The following TMEM163 variants were observed in gnomAD, a reference collection of about 807,000 sequenced individuals.
TMEM163 encodes the protein transmembrane protein 163.
Under a neutral mutation model 29.3 loss-of-function variants are expected in TMEM163, and 17 were observed. The observed-to-expected ratio is 0.58, with a 90% CI of 0.40 to 0.87. The LOEUF is 0.87. TMEM163 is among the 40% of genes least tolerant of loss of function. TMEM163 has a pLI of 0.00. For synonymous variants in TMEM163, 157 were observed against 160.6 expected (o/e 0.98, Z 0.17); for missense variants, 303 against 381.5 (o/e 0.79, Z 1.71).
chr2:134,702,153 G>A (rs188196662), intron 2 of TMEM163, among the ~76,000 whole-genome samples: 96 of 152,148 alleles, frequency 6.3e-4, no homozygotes, highest in Admixed American at 1.9e-3. Flanking sequence ...CGACATGCTC[G>A]GAGCTCAGAA....
intron 2 of TMEM163, among the ~76,000 whole-genome samples, chr2:134,681,395 T>C (rs1684230919): frequency 6.6e-6 from 1 of 152,118 alleles, no homozygotes; most frequent in East Asian, 1.9e-4. Context: ...CAAACCGCAT[T>C]CCAGTGTCCC....
chr2:134,626,094 C>CTT (rs146008537), intron 2 of TMEM163, among the ~76,000 whole-genome samples: 703 of 66,276 alleles, frequency 0.011, 53 homozygotes, highest in Non-Finnish European at 0.016. Context: ...ACTTTTCCAG[C>CTT]TTTTTTTTTT....
chr2:134,456,191 T>C lies in TMEM163; in HGVS notation c.*525A>G, dbSNP rs610624. ...CCTTTTGAGCAAATCTGTTTAGACT[T>C]AGGATTAGTAAAACAGTATGAAATA... On this transcript the variant is annotated 3_prime_UTR_variant, in exon 8 of 8. Transcript: ENST00000281924. 61,886 of 153,694 alleles carry C rather than the reference T, an allele frequency of 0.4. 13,325 individuals are homozygous for C. The highest frequency in any genetic ancestry group is 0.64 in the East Asian group (3,326 of 5,172). The allele number at this position is 153,694 out of a possible 1,614,324, so 9.5% of individuals were successfully genotyped here.
chr2:134,462,416 C>T (rs142888366), intron 6 of TMEM163, among the ~76,000 whole-genome samples: 96 of 152,282 alleles, frequency 6.3e-4, no homozygotes, highest in African/African-American at 1.8e-3. Flanking sequence ...CCAAATCCCA[C>T]CCTAGACCTC....
intron 2 of TMEM163, among the ~76,000 whole-genome samples, chr2:134,568,058 A>G (rs1483056951): frequency 1.3e-5 from 2 of 152,246 alleles, no homozygotes. Flanking sequence ...AGACTTAAGT[A>G]AGATTTATAA....
intron 4 of TMEM163, among the ~76,000 whole-genome samples, chr2:134,505,063 C>A (rs1307827955): frequency 1.3e-5 from 2 of 152,044 alleles, no homozygotes; most frequent in Admixed American, 1.3e-4. Context: ...AGGAGAAGAG[C>A]CTAAAATCAG....
chr2:134,457,334 C>T (rs1340393124), intron 7 of TMEM163, among the ~76,000 whole-genome samples: 1 of 152,216 alleles, frequency 6.6e-6, no homozygotes, highest in Non-Finnish European at 1.5e-5. Context: ...CGAATGGTAA[C>T]TCTGCGTCCA....
intron 2 of TMEM163, among the ~76,000 whole-genome samples, chr2:134,694,326 A>C (rs1375687715): frequency 6.6e-6 from 1 of 152,232 alleles, no homozygotes; most frequent in Non-Finnish European, 1.5e-5. Flanking sequence ...GAAGTATTCA[A>C]ACAAAAGCTG....
At chr2:134,535,209 G>A (rs2106500769) in intron 4 of TMEM163, among the ~76,000 whole-genome samples, 1 of 152,252 alleles carries the variant, frequency 6.6e-6, no homozygotes, top group East Asian at 1.9e-4. Context: ...TCATGTCTTG[G>A]TTGTTCACAG....
At position 134,594,735 on chromosome 2, in the gene TMEM163, G is replaced by A. The variant is rs148371421; in HGVS notation, c.323-42644C>T. ...AAGTAAATATCATTTCATCAAACAC[G>A]CAAATCTGCCAACTTCAGAAGGAAG... On this transcript the variant is annotated intron_variant, in intron 2 of 7. Transcript: ENST00000281924. Among the ~76,000 whole-genome samples, 445 of 152,200 alleles carry A rather than the reference G, an allele frequency of 2.9e-3. 4 individuals are homozygous for A. Among genetic ancestry groups the A allele is most frequent in the African/African-American group, 9.5e-3 (394 of 41,528 alleles).
chr2:134,526,298 T>C (rs1294488806), intron 4 of TMEM163, among the ~76,000 whole-genome samples: 1 of 152,168 alleles, frequency 6.6e-6, no homozygotes, highest in Non-Finnish European at 1.5e-5. Flanking sequence ...CAGAATCTTA[T>C]ACAACCACCC....
chr2:134,662,856 G>T (rs1004255513), intron 2 of TMEM163, among the ~76,000 whole-genome samples: 1 of 152,132 alleles, frequency 6.6e-6, no homozygotes, highest in Admixed American at 6.5e-5. Flanking sequence ...ACTTGAGGCT[G>T]CCTGCCCAGC....
intron 4 of TMEM163, among the ~76,000 whole-genome samples, chr2:134,527,470 A>T (rs556407670): frequency 6.6e-6 from 1 of 152,358 alleles, no homozygotes; most frequent in Non-Finnish European, 1.5e-5. Flanking sequence ...CAAAAAAAAC[A>T]GCCCCAGATC....
chr2:134,466,460 T>C lies in TMEM163; in HGVS notation c.556-235A>G, dbSNP rs191207519. 9 of 469,440 alleles carry C rather than the reference T, an allele frequency of 1.9e-5. No homozygotes were observed. The Admixed American group carries it at 2.8e-4, about 15-fold the overall frequency. 29.1% of individuals were successfully genotyped at this position (469,440 alleles called of 1,614,324 possible). ...TTTACTTAAAAAACCATTACGTATT[T>C]ATTTTCCTGTAGGAGATTGACCTCC... On this transcript the variant is annotated intron_variant, in intron 5 of 7. Coordinates refer to ENST00000281924, the MANE Select transcript of TMEM163 (RefSeq NM_030923.5).
intron 2 of TMEM163, among the ~76,000 whole-genome samples, chr2:134,708,219 T>C (rs1016906154): frequency 1.3e-5 from 2 of 152,176 alleles, no homozygotes; most frequent in Admixed American, 6.5e-5. Flanking sequence ...TGCAACTATT[T>C]CCATGTTACT....
At chr2:134,598,027 G>C (rs904046855) in intron 2 of TMEM163, among the ~76,000 whole-genome samples, 2 of 152,134 alleles carry the variant, frequency 1.3e-5, no homozygotes, top group Non-Finnish European at 2.9e-5. Context: ...CTTGCTAGCA[G>C]TCTATCAATT....
chr2:134,585,028 G>C (rs1366831097), intron 2 of TMEM163, among the ~76,000 whole-genome samples: 1 of 152,188 alleles, frequency 6.6e-6, no homozygotes, highest in Admixed American at 6.5e-5. Flanking sequence ...TAGAACTTGA[G>C]AGGCCCCTAA....
At chr2:134,635,005 A>T (rs1381745062) in intron 2 of TMEM163, among the ~76,000 whole-genome samples, 2 of 152,240 alleles carry the variant, frequency 1.3e-5, no homozygotes, top group Non-Finnish European at 2.9e-5. Context: ...GAAGAATCTC[A>T]AGTGTGCCAA....
At chr2:134,701,009 A>C (rs1684691510) in intron 2 of TMEM163, among the ~76,000 whole-genome samples, 1 of 151,772 alleles carries the variant, frequency 6.6e-6, no homozygotes, top group African/African-American at 2.4e-5. Context: ...ACCCCTCCAG[A>C]AAACTAGATG....
Sources: gnomAD v4.1 joint callset for allele counts (sites outside exome capture counted in the v4.1 genomes callset) on GRCh38, gnomAD v4.1.1 for gene constraint, MANE v1.5 for transcripts, NCBI Gene and HGNC (gene_info 2026-07-23, HGNC 2026-07-21) for gene names.